Variants in SLC41A2 observed in about 807,000 individuals in gnomAD.
SLC41A2 encodes solute carrier family 41 member 2.
In SLC41A2, 32 loss-of-function variants were observed where a neutral mutation model predicts 58.3. That is an observed-to-expected ratio of 0.55 (90% confidence interval 0.41 to 0.74). The LOEUF (loss-of-function observed/expected upper bound fraction) is 0.74, where lower values mean the gene tolerates loss of function less well. Among genes scored for constraint, SLC41A2 ranks in the 30% least tolerant of loss-of-function variants. SLC41A2 has a pLI of 0.00. For synonymous variants in SLC41A2, 190 were observed against 235.0 expected, an observed-to-expected ratio of 0.81 and a Z score of 1.75; for missense variants, 514 against 680.6, an observed-to-expected ratio of 0.76 and a Z score of 2.72.
chr12:104,934,523 A>G (rs2047189047), intron 1 of SLC41A2, among the ~76,000 whole-genome samples: 2 of 152,230 alleles, frequency 1.3e-5, no homozygotes. Context: ...AAGAGCATCT[A>G]CAACAGGTAC....
At chr12:104,907,560 C>A (rs2034948456) in intron 3 of SLC41A2, among the ~76,000 whole-genome samples, 2 of 152,130 alleles carry the variant, frequency 1.3e-5, no homozygotes, top group South Asian at 4.1e-4. Flanking sequence ...AAGACCAAGA[C>A]CTTAGCAGAT....
chr12:104,844,594 G>A lies in SLC41A2; in HGVS notation c.1414C>T (p.Leu472=). 1 of 1,546,106 alleles carries A rather than the reference G, an allele frequency of 6.5e-7. No homozygotes were observed. The highest frequency in any genetic ancestry group is 1.3e-5 in the South Asian group (1 of 76,652). ...TGTCCAGGAATCACTAAAAGCAGTA[G>A]AACTTGAGCAGACTTATTATTTACT... ...PGVNNKSAQV[L]LLLVIPGHLI... Residue 472 remains leucine (L), a synonymous_variant, in exon 10 of 11, where the codon CTA becomes TTA. Transcript: ENST00000258538.
chr12:104,956,309 T>A (rs2048165320), intron 1 of SLC41A2, among the ~76,000 whole-genome samples: 1 of 152,232 alleles, frequency 6.6e-6, no homozygotes, highest in Admixed American at 6.5e-5. Flanking sequence ...GTTGGATTTT[T>A]TCAAGTCAGT....
At chr12:104,955,704 A>G (rs2135999435) in intron 1 of SLC41A2, among the ~76,000 whole-genome samples, 1 of 151,832 alleles carries the variant, frequency 6.6e-6, no homozygotes, top group South Asian at 2.1e-4. Context: ...ATATTAGATC[A>G]GTGGAAAATT....
intron 8 of SLC41A2, among the ~76,000 whole-genome samples, chr12:104,849,877 C>T (rs191546369): frequency 1.5e-4 from 23 of 152,212 alleles, no homozygotes; most frequent in African/African-American, 5.1e-4. Context: ...TATGCATACT[C>T]TACAATCTAG....
At chr12:104,907,860 A>G (rs185547007) in intron 3 of SLC41A2, among the ~76,000 whole-genome samples, 76 of 152,326 alleles carry the variant, frequency 5.0e-4, no homozygotes, top group Admixed American at 1.4e-3. Flanking sequence ...GCTCACTAAT[A>G]CCAGATATTT....
intron 6 of SLC41A2, among the ~76,000 whole-genome samples, chr12:104,877,743 A>C (rs1233654870): frequency 6.6e-6 from 1 of 152,190 alleles, no homozygotes; most frequent in Non-Finnish European, 1.5e-5. Flanking sequence ...TCACGCCTGT[A>C]ATCCTAGCAC....
Position 104,886,457 on chromosome 12 carries a change from C to G in SLC41A2, c.881-18G>C. On this transcript the variant is annotated intron_variant, in intron 5 of 10. Coordinates refer to ENST00000258538, the MANE Select transcript of SLC41A2 (RefSeq NM_001352171.3). The stretch of plus-strand genomic sequence containing the variant: ...TATTATTCCTAGAAGAAAGAATGTT[C>G]ATTACTTTTTAGGCTATGATTTAAA... 1 of 1,608,878 alleles carries G rather than the reference C, an allele frequency of 6.2e-7. No homozygotes were observed. Among genetic ancestry groups the G allele is most frequent in the Non-Finnish European group, 8.5e-7 (1 of 1,176,566 alleles).
intron 1 of SLC41A2, among the ~76,000 whole-genome samples, chr12:104,946,109 C>T (rs1157666233): frequency 6.6e-6 from 1 of 152,140 alleles, no homozygotes; most frequent in African/African-American, 2.4e-5. Context: ...CTCAAACATG[C>T]TTCGACTGCA....
chr12:104,831,315 G>A (rs1264826528), intron 10 of SLC41A2, among the ~76,000 whole-genome samples: 3 of 151,890 alleles, frequency 2.0e-5, no homozygotes, highest in Non-Finnish European at 4.4e-5. Context: ...AGCCTCAGGC[G>A]ATTCTCCCAC....
intron 10 of SLC41A2, among the ~76,000 whole-genome samples, chr12:104,815,633 T>G (rs113578059): frequency 4.6e-5 from 7 of 152,130 alleles, no homozygotes; most frequent in African/African-American, 1.7e-4. Context: ...CTTAGAAATA[T>G]GATACAAATA....
intron 2 of SLC41A2, among the ~76,000 whole-genome samples, chr12:104,924,341 T>C (rs1371431204): frequency 4.6e-5 from 7 of 152,234 alleles, no homozygotes; most frequent in Admixed American, 3.9e-4. Flanking sequence ...GTGCAACCAA[T>C]GTGGAAAATC....
intron 2 of SLC41A2, among the ~76,000 whole-genome samples, chr12:104,911,586 G>C (rs2046088501): frequency 6.6e-6 from 1 of 152,164 alleles, no homozygotes; most frequent in African/African-American, 2.4e-5. Context: ...TGAATACCAA[G>C]ACAGATGAGA....
At chr12:104,953,375 A>G (rs1178702835) in intron 1 of SLC41A2, among the ~76,000 whole-genome samples, 1 of 152,036 alleles carries the variant, frequency 6.6e-6, no homozygotes, top group Non-Finnish European at 1.5e-5. Context: ...CAGAACTTTC[A>G]CTCCTCTAAG....
intron 10 of SLC41A2, among the ~76,000 whole-genome samples, chr12:104,838,185 A>AT (rs2042277937): frequency 1.3e-5 from 2 of 152,198 alleles, no homozygotes; most frequent in East Asian, 3.8e-4. Context: ...CACTGGCTGT[A>AT]TTTCTGCTCC....
intron 8 of SLC41A2, among the ~76,000 whole-genome samples, chr12:104,858,989 T>G (rs2043113738): frequency 6.6e-6 from 1 of 152,224 alleles, no homozygotes; most frequent in Admixed American, 6.5e-5. Flanking sequence ...TGAAATGTTG[T>G]TTAATATAGC....
intron 2 of SLC41A2, among the ~76,000 whole-genome samples, chr12:104,911,896 T>C (rs2046103955): frequency 6.6e-6 from 1 of 152,226 alleles, no homozygotes; most frequent in Non-Finnish European, 1.5e-5. Flanking sequence ...TGTTTTATGA[T>C]GGGCTAACAA....
intron 10 of SLC41A2, chr12:104,834,293 T>A: frequency 1.9e-6 from 1 of 535,582 alleles, no homozygotes; most frequent in Non-Finnish European, 2.4e-6. Flanking sequence ...ACGAGGCTGT[T>A]AAAAAATAAT....
chr12:104,833,907 G>T, intron 10 of SLC41A2: 1 of 540,890 alleles, frequency 1.8e-6, no homozygotes, highest in Non-Finnish European at 2.4e-6. Context: ...TCAGTTATAA[G>T]ATTTTTTTTG....
Sources: allele counts gnomAD v4.1 joint callset (sites outside exome capture counted in the v4.1 genomes callset), GRCh38; gene constraint gnomAD v4.1.1; transcripts MANE v1.5; gene names NCBI Gene and HGNC (gene_info 2026-07-23, HGNC 2026-07-21).